TBC1D32: variants seen among roughly 807,000 people sequenced by gnomAD.
TBC1D32 encodes the protein TBC1 domain family member 32.
TBC1D32 carries 151 observed loss-of-function variants against 170.3 expected under a neutral mutation model. The ratio of observed to expected loss-of-function variants is 0.89; its 90% confidence interval spans 0.78 to 1.01. TBC1D32 has a LOEUF of 1.01. TBC1D32 is among the 50% of genes least tolerant of loss of function. TBC1D32 has a pLI of 0.00. For synonymous variants in TBC1D32, 498 were observed against 488.0 expected, an observed-to-expected ratio of 1.02 and a Z score of -0.27; for missense variants, 1,464 against 1,457.1, an observed-to-expected ratio of 1.00 and a Z score of -0.08.
intron 30 of TBC1D32, among the ~76,000 whole-genome samples, chr6:121,095,418 C>G (rs1777283741): frequency 6.6e-6 from 1 of 152,108 alleles, no homozygotes; most frequent in African/African-American, 2.4e-5. Flanking sequence ...TTTGAATACC[C>G]TTTATTTCTT....
At position 121,232,216 on chromosome 6, in the gene TBC1D32, C is replaced by T. The variant is rs551219106; in HGVS notation, c.2364+6854G>A. Among the ~76,000 whole-genome samples, 59 of 152,040 alleles carry T rather than the reference C, an allele frequency of 3.9e-4. No homozygotes were observed. The Middle Eastern group carries it at 0.01, about 26-fold the overall frequency. ...CACTTTATGTTTTTGTTTACTTTGTCGAAGATCAGTTGGCTGTATTTGGCT... is the reference window on the plus strand; with the variant it reads ...CACTTTATGTTTTTGTTTACTTTGTTGAAGATCAGTTGGCTGTATTTGGCT... On this transcript the variant is annotated intron_variant, in intron 20 of 31. Transcript: ENST00000398212.
chr6:121,313,408 C>T (rs1327393612), intron 3 of TBC1D32, among the ~76,000 whole-genome samples: 2 of 151,738 alleles, frequency 1.3e-5, no homozygotes, highest in Non-Finnish European at 2.9e-5. Context: ...CTCAGCCTCC[C>T]GAGTAGCTGA....
At chr6:121,286,151 G>A (rs1803785360) in intron 12 of TBC1D32, among the ~76,000 whole-genome samples, 2 of 152,148 alleles carry the variant, frequency 1.3e-5, no homozygotes, top group Admixed American at 1.3e-4. Flanking sequence ...TGACTTTGAC[G>A]AGTTGAGAGA....
intron 22 of TBC1D32, among the ~76,000 whole-genome samples, chr6:121,189,838 C>T (rs1284484411): frequency 1.3e-5 from 2 of 152,018 alleles, no homozygotes; most frequent in African/African-American, 4.8e-5. Context: ...GAAGAGACTG[C>T]TAGGCCCAGA....
At chr6:121,178,930 G>A (rs776858831) in intron 22 of TBC1D32, among the ~76,000 whole-genome samples, 17 of 152,236 alleles carry the variant, frequency 1.1e-4, no homozygotes, top group Middle Eastern at 3.4e-3. Context: ...ATGAGACCAC[G>A]GCCACAGCCA....
chr6:121,204,328 G>T (rs1271082716), intron 22 of TBC1D32, among the ~76,000 whole-genome samples: 7 of 151,172 alleles, frequency 4.6e-5, no homozygotes, highest in Admixed American at 4.6e-4. Flanking sequence ...TATCATCAGA[G>T]AATTCTAACT....
At position 121,304,616 on chromosome 6, in the gene TBC1D32, A is replaced by C. The variant is rs1237190528; in HGVS notation, c.779T>G (p.Leu260Trp). ...KEIYTSLAKY[L>W]ESYFLSRENH... Reference sequence around the variant, plus strand: ...TTCCCTAGAAAGAAAGTATGACTCCAAATACTTAGCTGAAAAAAAAGGGAA... The same window carrying C: ...TTCCCTAGAAAGAAAGTATGACTCCCAATACTTAGCTGAAAAAAAAGGGAA... Residue 260 changes from leucine to tryptophan, a missense_variant, in exon 7 of 32, where the codon TTG (leucine) becomes TGG (tryptophan). Transcript: ENST00000398212. 2 of 1,602,952 alleles carry C rather than the reference A, an allele frequency of 1.2e-6. No individual in the cohort carries two copies.
intron 24 of TBC1D32, among the ~76,000 whole-genome samples, chr6:121,137,248 A>C (rs1782197016): frequency 6.6e-6 from 1 of 152,048 alleles, no homozygotes; most frequent in Non-Finnish European, 1.5e-5. Flanking sequence ...CCATGTCTAC[A>C]TTCCTCTAAA....
intron 21 of TBC1D32, among the ~76,000 whole-genome samples, chr6:121,212,092 C>T (rs539414667): frequency 8.6e-5 from 13 of 151,974 alleles, no homozygotes; most frequent in Non-Finnish European, 1.6e-4. Flanking sequence ...CTACTATGAA[C>T]ATCTCTATGC....
intron 22 of TBC1D32, among the ~76,000 whole-genome samples, chr6:121,190,490 A>G (rs963097293): frequency 2.0e-5 from 3 of 146,870 alleles, no homozygotes; most frequent in Non-Finnish European, 4.5e-5. Context: ...CCTCCTCACT[A>G]TCATCTTCCC....
intron 21 of TBC1D32, among the ~76,000 whole-genome samples, chr6:121,219,004 A>T (rs929200093): frequency 6.6e-6 from 1 of 152,172 alleles, no homozygotes; most frequent in African/African-American, 2.4e-5. Flanking sequence ...AGTCTCAAGT[A>T]TGTCTTTATT....
At chr6:121,297,245 A>G (rs1445279365) in intron 10 of TBC1D32, among the ~76,000 whole-genome samples, 1 of 152,102 alleles carries the variant, frequency 6.6e-6, no homozygotes, top group Admixed American at 6.6e-5. Context: ...GTGAAAATAG[A>G]CAGAAATTTG....
At chr6:121,150,536 T>A (rs565946779) in intron 24 of TBC1D32, among the ~76,000 whole-genome samples, 1 of 152,036 alleles carries the variant, frequency 6.6e-6, no homozygotes, top group Non-Finnish European at 1.5e-5. Flanking sequence ...TGGGGAGGAG[T>A]CCTTCTTTTT....
At chr6:121,090,079 C>T (rs1000901089) in intron 31 of TBC1D32, among the ~76,000 whole-genome samples, 12 of 152,044 alleles carry the variant, frequency 7.9e-5, no homozygotes, top group African/African-American at 2.9e-4. Flanking sequence ...ACTACAGGCG[C>T]CCGCCAACAC....
chr6:121,189,147 G>A (rs1330419579), intron 22 of TBC1D32, among the ~76,000 whole-genome samples: 2 of 152,060 alleles, frequency 1.3e-5, no homozygotes, highest in African/African-American at 4.8e-5. Context: ...AGTTTATCTT[G>A]TTTACATTAA....
chr6:121,142,537 TA>T (rs1782924396), intron 24 of TBC1D32, among the ~76,000 whole-genome samples: 1 of 152,204 alleles, frequency 6.6e-6, no homozygotes, highest in Admixed American at 6.5e-5. Context: ...TCATCCTGAA[TA>T]AACATTATAA....
At chr6:121,326,274 G>A (rs1810448846) in intron 1 of TBC1D32, among the ~76,000 whole-genome samples, 1 of 152,092 alleles carries the variant, frequency 6.6e-6, no homozygotes. Context: ...CTAGACAGGA[G>A]GAGTAAGTTC....
Position 121,131,701 on chromosome 6 carries a change from G to T in TBC1D32, c.2825C>A (p.Thr942Asn). The change falls in exon 25 of 32, where the codon ACT (threonine) becomes AAT (asparagine). Residue 942 changes from threonine to asparagine, a missense_variant. Around this residue, in one of 3 missense-constraint regions of TBC1D32, gnomAD observed 1,363 missense variants for 1,338.1 expected, o/e 1.02. Coordinates refer to ENST00000398212, the MANE Select transcript of TBC1D32 (RefSeq NM_152730.6). The stretch of plus-strand genomic sequence containing the variant: ...TCTTTGGCAGTTTTCTATCCATTCA[G>T]TTTGTTTATCAGATATTTTGAGGCA... ...LLCLKISDKQTEWIENCQRQF... is the reference protein window; with the variant it reads ...LLCLKISDKQNEWIENCQRQF... 6.2e-7 allele frequency: 1 copy of T among 1,609,568 alleles called. No individual in the cohort carries two copies.
chr6:121,094,397 C>T (rs963719543), intron 30 of TBC1D32, among the ~76,000 whole-genome samples: 3 of 151,942 alleles, frequency 2.0e-5, no homozygotes, highest in Non-Finnish European at 4.4e-5. Flanking sequence ...AAACTCCTGA[C>T]CTCAAGTGAT....
Sources: allele counts gnomAD v4.1 joint callset (sites outside exome capture counted in the v4.1 genomes callset), GRCh38; gene constraint gnomAD v4.1.1; regional missense constraint gnomAD v4.1.1; transcripts MANE v1.5; gene names NCBI Gene and HGNC (gene_info 2026-07-23, HGNC 2026-07-21).